OSBPL3: variants seen among roughly 807,000 people sequenced by gnomAD.
The protein encoded by OSBPL3 is oxysterol-binding protein-related protein 3.
In OSBPL3, 65 loss-of-function variants were observed where a neutral mutation model predicts 120.1. The ratio of observed to expected loss-of-function variants is 0.54; its 90% CI spans 0.44 to 0.67. The LOEUF (loss-of-function observed/expected upper bound fraction) is 0.67, where lower values mean the gene tolerates loss of function less well. Among genes scored for constraint, OSBPL3 ranks in the 30% least tolerant of loss-of-function variants. The pLI is 0.00. For missense variants in OSBPL3, 1,004 were observed against 1,082.1 expected (o/e 0.93, Z 1.01); for synonymous variants, 416 against 402.6 (o/e 1.03, Z -0.40).
intron 1 of OSBPL3, among the ~76,000 whole-genome samples, chr7:24,979,679 G>A (rs1267517478): frequency 1.3e-5 from 2 of 152,100 alleles, no homozygotes; most frequent in Non-Finnish European, 2.9e-5. Flanking sequence ...GGTGAGACCC[G>A]GGTCCTCCTT....
rs1813768804 is a variant in OSBPL3, at chr7:24,946,660, A to G, written c.-150+33226T>C. ...TTGGACTTTGGACTCCTAAGCAACA[A>G]AAGGCCACACCACCAGAGTCCTGCC... On this transcript the variant is annotated intron_variant, in intron 1 of 22. Transcript: ENST00000313367. This position sits in a 1 kb window ranked among gnomAD's most constrained non-coding sequence, Gnocchi z 4.3. 6.6e-6 allele frequency among the ~76,000 whole-genome samples: 1 copy of G among 152,236 alleles called. No homozygotes were observed. The highest frequency in any genetic ancestry group is 2.4e-5 in the African/African-American group (1 of 41,462).
chr7:24,905,685 C>CTAT (rs1406916887), intron 1 of OSBPL3, among the ~76,000 whole-genome samples: 1 of 152,180 alleles, frequency 6.6e-6, no homozygotes. Flanking sequence ...GGCTCCAAAA[C>CTAT]TATTCTCTTT....
intron 2 of OSBPL3, among the ~76,000 whole-genome samples, chr7:24,884,598 G>A (rs1050220654): frequency 7.2e-5 from 11 of 152,148 alleles, no homozygotes; most frequent in African/African-American, 2.7e-4. Flanking sequence ...CTGTGACATT[G>A]CTTAAGGGCT....
upstream of OSBPL3, among the ~76,000 whole-genome samples, chr7:24,980,663 C>T (rs914944915): frequency 8.6e-5 from 13 of 151,462 alleles, no homozygotes; most frequent in African/African-American, 3.2e-4. Flanking sequence ...GCAGAGGAGT[C>T]GAGAACAGAG....
Position 24,871,629 on chromosome 7 carries a change from T to C in OSBPL3, c.267+113A>G, listed in dbSNP as rs569783475. ...CTCAGACAGAAGTGTTTCCCCTCTATGGTTTCCAGTTCCGAGAAAAGCTAT... is the reference window on the plus strand; with the variant it reads ...CTCAGACAGAAGTGTTTCCCCTCTACGGTTTCCAGTTCCGAGAAAAGCTAT... On this transcript the variant is annotated intron_variant, in intron 4 of 22. Transcript: ENST00000313367. The surrounding 1 kb of genome is among the most constrained non-coding windows in gnomAD (Gnocchi z 4.8). 70 of 798,710 alleles carry C rather than the reference T, an allele frequency of 8.8e-5. No homozygotes were observed. Among genetic ancestry groups the C allele is most frequent in the South Asian group, 7.1e-4 (42 of 59,156 alleles). 49.5% of individuals were successfully genotyped at this position (798,710 alleles called of 1,614,324 possible).
Position 24,863,248 on chromosome 7 carries a change from C to T in OSBPL3, c.822G>A (p.Arg274=). The change falls in exon 9 of 23, where the codon AGG becomes AGA. Residue 274 remains arginine, a synonymous_variant. Coordinates refer to ENST00000313367, the MANE Select transcript of OSBPL3 (RefSeq NM_015550.4). This position sits in a 1 kb window ranked among gnomAD's most constrained non-coding sequence, Gnocchi z 5.8. ...TGCCAATAGCTCTGGACCGCCACCTCCTGTGCGATCTTTTTTCCTTTTTGG... is the reference window on the plus strand; with the variant it reads ...TGCCAATAGCTCTGGACCGCCACCTTCTGTGCGATCTTTTTTCCTTTTTGG... ...ESPKKEKRSH[R]RWRSRAIGKD... is the part of the protein sequence containing the mutation. 1 of 1,614,192 alleles carries T rather than the reference C, an allele frequency of 6.2e-7. No individual in the cohort carries two copies.
intron 10 of OSBPL3, 52 bp downstream of exon 10, chr7:24,861,561 A>G (rs1052607673): frequency 8.0e-7 from 1 of 1,246,794 alleles, no homozygotes. Flanking sequence ...ACATTCAGAC[A>G]TGCACTTAAC....
intron 1 of OSBPL3, among the ~76,000 whole-genome samples, chr7:24,920,084 C>T (rs125): frequency 0.59 from 89,773 of 151,852 alleles, 27,073 homozygotes; most frequent in East Asian, 0.76. Flanking sequence ...AACCTTCTAG[C>T]AGTTCCTGAA....
At position 24,809,885 on chromosome 7, in the gene OSBPL3, C is replaced by A; in HGVS notation, c.2239G>T (p.Val747Phe). The part of the protein sequence containing the change: ...GTVFDRSGKA[V>F]HRLFGKWHES... ...TGCCATTTCCCAAACAGCCGATGAA[C>A]CGCTTTTCCACTCCTGTCAAACACT... is the stretch of plus-strand genomic sequence containing the variant. The change falls in exon 20 of 23, where the codon GTT (valine) becomes TTT (phenylalanine). Residue 747 changes from valine to phenylalanine, a missense_variant. Transcript: ENST00000313367. 1.2e-6 allele frequency: 2 copies of A among 1,614,156 alleles called. No individual in the cohort carries two copies. The highest frequency in any genetic ancestry group is 1.7e-6 in the Non-Finnish European group (2 of 1,179,996).
chr7:24,878,603 T>A (rs1168488154), intron 2 of OSBPL3, among the ~76,000 whole-genome samples: 1 of 152,258 alleles, frequency 6.6e-6, no homozygotes, highest in Non-Finnish European at 1.5e-5. Flanking sequence ...AGACCAAAAC[T>A]GTACTCACAT....
intron 7 of OSBPL3, among the ~76,000 whole-genome samples, chr7:24,864,934 T>C (rs1158472340): frequency 6.6e-6 from 1 of 152,206 alleles, no homozygotes; most frequent in Non-Finnish European, 1.5e-5. Flanking sequence ...AAAAGCCCTC[T>C]GGGTGATTCT....
In OSBPL3 at chr7:24,912,759, G is replaced by C. The variant is rs1432037208; in HGVS notation, c.-149-20138C>G. On this transcript the variant is annotated intron_variant, in intron 1 of 22. Coordinates refer to ENST00000313367, the MANE Select transcript of OSBPL3 (RefSeq NM_015550.4). This position sits in a 1 kb window ranked among gnomAD's most constrained non-coding sequence, Gnocchi z 4.5. The stretch of plus-strand genomic sequence containing the variant: ...TACCAATGTACATCCCATCCCACAT[G>C]CTCCTCTAACAAAGTGACCGTGACA... Among the ~76,000 whole-genome samples, 3 of 152,166 alleles carry C rather than the reference G, an allele frequency of 2.0e-5. No individual in the cohort carries two copies. In the South Asian group the frequency reaches 6.2e-4, roughly 32 times the overall value.
intron 1 of OSBPL3, among the ~76,000 whole-genome samples, chr7:24,926,228 T>G (rs748899204): frequency 2.6e-5 from 4 of 152,186 alleles, no homozygotes; most frequent in African/African-American, 9.7e-5. Context: ...GTTTTCAGTT[T>G]GAACGTGTAG....
Position 24,820,329 on chromosome 7 carries a change from A to G in OSBPL3, c.1885-91T>C. ...TTTCTCCCCTGCACTGAGATGTAAC[A>G]GCGTGCAATGCTGAACTGAAGGAAA... On this transcript the variant is annotated intron_variant, in intron 16 of 22. Coordinates refer to ENST00000313367, the MANE Select transcript of OSBPL3 (RefSeq NM_015550.4). The surrounding 1 kb of genome is among the most constrained non-coding windows in gnomAD (Gnocchi z 4.6). 1.1e-6 allele frequency: 1 copy of G among 937,392 alleles called. No individual in the cohort carries two copies. Among genetic ancestry groups the G allele is most frequent in the Admixed American group, 2.0e-5 (1 of 51,204 alleles). The allele number at this position is 937,392 out of a possible 1,614,324, so 58.1% of individuals were successfully genotyped here.
chr7:24,858,779 G>GGTCT (rs1276512979), intron 10 of OSBPL3, among the ~76,000 whole-genome samples: 1 of 152,210 alleles, frequency 6.6e-6, no homozygotes, highest in Non-Finnish European at 1.5e-5. Flanking sequence ...CTCTGCAGGA[G>GGTCT]GACTGGATCA....
intron 14 of OSBPL3, among the ~76,000 whole-genome samples, chr7:24,838,061 CT>C (rs1797234267): frequency 6.6e-6 from 1 of 152,170 alleles, no homozygotes; most frequent in African/African-American, 2.4e-5. Context: ...TGTATCCAAT[CT>C]TTTCAGTAGA....
Position 24,980,115 on chromosome 7 carries a change from C to G in OSBPL3, c.-379G>C. 1 of 931,246 alleles carries G rather than the reference C, an allele frequency of 1.1e-6. No individual in the cohort carries two copies. The highest frequency in any genetic ancestry group is 1.3e-6 in the Non-Finnish European group (1 of 780,688). 57.7% of individuals were successfully genotyped at this position (931,246 alleles called of 1,614,324 possible). ...CCGCGAAGCGCTCAAGTCCCCTCTCCCGGGCCGGCTGGCGGGCGCCACCAG... is the reference window on the plus strand; with the variant it reads ...CCGCGAAGCGCTCAAGTCCCCTCTCGCGGGCCGGCTGGCGGGCGCCACCAG... On this transcript the variant is annotated 5_prime_UTR_variant, in exon 1 of 23. Coordinates refer to ENST00000313367, the MANE Select transcript of OSBPL3 (RefSeq NM_015550.4).
At chr7:24,909,769 T>G (rs536274530) in intron 1 of OSBPL3, among the ~76,000 whole-genome samples, 13 of 42,270 alleles carry the variant, frequency 3.1e-4, no homozygotes, top group South Asian at 1.6e-3. Flanking sequence ...AAAGCTACTG[T>G]TTTTTTTTTC....
chr7:24,842,514 T>C lies in OSBPL3; in HGVS notation c.1267-101A>G, dbSNP rs948663079. 3.3e-5 allele frequency: 29 copies of C among 887,580 alleles called. No individual in the cohort carries two copies. In the South Asian group the frequency reaches 3.6e-4, roughly 11 times the overall value. The allele number at this position is 887,580 out of a possible 1,614,324, so 55.0% of individuals were successfully genotyped here. A position where few individuals can be genotyped will look rare whatever the true frequency, so the allele number is the denominator to read the frequency against. ...TACAATACACAAGGTCACAGGCCCA[T>C]GCAAATAAGCAACTCAAAGCAGAAG... On this transcript the variant is annotated intron_variant, in intron 12 of 22. Coordinates refer to ENST00000313367, the MANE Select transcript of OSBPL3 (RefSeq NM_015550.4).
Sources: gnomAD v4.1 joint callset for allele counts (sites outside exome capture counted in the v4.1 genomes callset) on GRCh38, gnomAD v4.1.1 for gene constraint, Gnocchi (gnomAD v3.1) non-coding constraint, MANE v1.5 for transcripts, NCBI Gene and HGNC (gene_info 2026-07-23, HGNC 2026-07-21) for gene names.